The following DEPTOR variants were observed in gnomAD, a reference collection of about 807,000 sequenced individuals.
The protein encoded by DEPTOR is DEP domain containing MTOR interacting protein.
Under a neutral mutation model 41.6 loss-of-function variants are expected in DEPTOR, and 41 were observed. The ratio of observed to expected loss-of-function variants is 0.98; its 90% CI spans 0.77 to 1.28. DEPTOR has a LOEUF of 1.28. DEPTOR is among the 50% of genes most tolerant of loss of function. DEPTOR has a pLI of 0.00. For missense variants in DEPTOR, 514 were observed against 527.9 expected (o/e 0.97, Z 0.26); for synonymous variants, 195 against 192.3 (o/e 1.01, Z -0.12).
chr8:119,890,279 T>TTTGTTTG (rs1554671050), intron 1 of DEPTOR, among the ~76,000 whole-genome samples: 14,857 of 150,194 alleles, frequency 0.099, 1,098 homozygotes, highest in African/African-American at 0.2. Flanking sequence ...ATATGAGTTT[T>TTTGTTTG]TTTGTTTGTT....
At chr8:119,881,060 G>A (rs1427985830) in intron 1 of DEPTOR, among the ~76,000 whole-genome samples, 2 of 152,332 alleles carry the variant, frequency 1.3e-5, no homozygotes, top group South Asian at 2.1e-4. Flanking sequence ...TAAGTTGGAG[G>A]AAATGCAGTT....
At chr8:120,008,140 A>C (rs1357747330) in intron 7 of DEPTOR, among the ~76,000 whole-genome samples, 2 of 152,194 alleles carry the variant, frequency 1.3e-5, no homozygotes. Context: ...CTTTTGGATT[A>C]GAGTCTACTT....
intron 1 of DEPTOR, among the ~76,000 whole-genome samples, chr8:119,921,536 C>T (rs1214074288): frequency 2.0e-5 from 3 of 152,044 alleles, no homozygotes; most frequent in South Asian, 4.2e-4. Flanking sequence ...GAGTTCTAGG[C>T]TATATCCTGG....
chr8:119,943,966 T>G (rs911990586), intron 3 of DEPTOR, among the ~76,000 whole-genome samples: 11 of 152,020 alleles, frequency 7.2e-5, no homozygotes, highest in Admixed American at 7.2e-4. Flanking sequence ...GCCTCCCGAG[T>G]AGCTGGGACT....
intron 1 of DEPTOR, among the ~76,000 whole-genome samples, chr8:119,881,703 G>T (rs1010656508): frequency 7.9e-5 from 12 of 152,130 alleles, no homozygotes; most frequent in African/African-American, 2.9e-4. Flanking sequence ...ATCTTAGGGG[G>T]TGTCCCTTAG....
intron 5 of DEPTOR, among the ~76,000 whole-genome samples, 186 bp from the exon 6 acceptor site, chr8:120,002,791 A>AAAAAAAAAATATAT: frequency 2.8e-4 from 17 of 60,666 alleles, no homozygotes; most frequent in Non-Finnish European, 3.2e-4. Flanking sequence ...AAAAAAAAAA[A>AAAAAAAAAATATAT]ATATATATAT....
At chr8:119,955,513 C>G (rs1308348954) in intron 3 of DEPTOR, among the ~76,000 whole-genome samples, 2 of 151,552 alleles carry the variant, frequency 1.3e-5, no homozygotes, top group East Asian at 3.9e-4. Flanking sequence ...ATTGCCCAGG[C>G]TGGAGTGCAA....
At chr8:120,048,273 G>A (rs1813182996) in intron 8 of DEPTOR, among the ~76,000 whole-genome samples, 1 of 152,184 alleles carries the variant, frequency 6.6e-6, no homozygotes, top group East Asian at 1.9e-4. Flanking sequence ...TTGGGAAGGA[G>A]GTGAAATTCT....
intron 3 of DEPTOR, among the ~76,000 whole-genome samples, chr8:119,954,632 AT>A (rs1016556686): frequency 6.6e-6 from 1 of 151,634 alleles, no homozygotes; most frequent in Non-Finnish European, 1.5e-5. Flanking sequence ...GCTCTTTTGA[AT>A]TTTTTTTCCC....
chr8:120,049,696 G>C lies in DEPTOR; in HGVS notation c.1222G>C (p.Glu408Gln). The C allele has an allele frequency of 6.2e-7, 1 of 1,613,924 alleles. No individual in the cohort carries two copies. Among genetic ancestry groups the C allele is most frequent in the Admixed American group, 1.7e-5 (1 of 60,008 alleles). The change falls in exon 9 of 9, where the codon GAG (glutamate) becomes CAG (glutamine). Residue 408 changes from glutamate to glutamine, a missense_variant. Coordinates refer to ENST00000286234, the MANE Select transcript of DEPTOR (RefSeq NM_022783.4). Reference sequence around the variant, plus strand: ...TGTCATGGAAGTCATGGAGGAGTTAGAGTGCTGAGCTCCTGGGCCTCCCAG... The same window carrying C: ...TGTCATGGAAGTCATGGAGGAGTTACAGTGCTGAGCTCCTGGGCCTCCCAG... ...TIVMEVMEEL[E>Q]C
At chr8:119,933,874 T>C (rs1828076470) in intron 3 of DEPTOR, among the ~76,000 whole-genome samples, 1 of 152,142 alleles carries the variant, frequency 6.6e-6, no homozygotes, top group Non-Finnish European at 1.5e-5. Context: ...GAACCCTGGC[T>C]TTCTTTTTTA....
At chr8:119,975,783 G>A (rs1254921674) in intron 4 of DEPTOR, among the ~76,000 whole-genome samples, 3 of 151,944 alleles carry the variant, frequency 2.0e-5, no homozygotes, top group African/African-American at 7.3e-5. Flanking sequence ...GTCCAGGGGA[G>A]CGTCTAACAG....
chr8:119,974,711 G>A (rs1026310500), intron 4 of DEPTOR, among the ~76,000 whole-genome samples: 4 of 152,040 alleles, frequency 2.6e-5, no homozygotes, highest in African/African-American at 9.7e-5. Context: ...GGCAGAGGTT[G>A]CAGTGAGCTG....
intron 8 of DEPTOR, among the ~76,000 whole-genome samples, chr8:120,026,807 T>C (rs1383793389): frequency 6.6e-6 from 1 of 152,228 alleles, no homozygotes; most frequent in African/African-American, 2.4e-5. Flanking sequence ...CGGGCACTCA[T>C]AATATAAATT....
chr8:119,996,249 A>G (rs1461273910), intron 4 of DEPTOR, among the ~76,000 whole-genome samples: 2 of 152,296 alleles, frequency 1.3e-5, no homozygotes, highest in Non-Finnish European at 2.9e-5. Context: ...AAAATTAAAT[A>G]TTATATCCCA....
At chr8:119,876,170 G>A (rs759059530) in intron 1 of DEPTOR, among the ~76,000 whole-genome samples, 7 of 152,174 alleles carry the variant, frequency 4.6e-5, no homozygotes, top group Non-Finnish European at 1.0e-4. Flanking sequence ...CAGAGCACTT[G>A]TTATTCCCCA....
intron 3 of DEPTOR, among the ~76,000 whole-genome samples, chr8:119,931,938 CT>C (rs925932272): frequency 1.1e-3 from 159 of 145,852 alleles, no homozygotes; most frequent in African/African-American, 3.7e-3. Context: ...AACGCTTTTC[CT>C]TTTTTTTTAA....
chr8:119,893,166 A>G (rs1190628313), intron 1 of DEPTOR, among the ~76,000 whole-genome samples: 2 of 152,226 alleles, frequency 1.3e-5, no homozygotes, highest in African/African-American at 2.4e-5. Context: ...CACTATCCCA[A>G]TGCACCAGGA....
intron 3 of DEPTOR, among the ~76,000 whole-genome samples, chr8:119,964,731 AT>A (rs896559112): frequency 1.3e-4 from 20 of 149,674 alleles, no homozygotes; most frequent in East Asian, 3.9e-4. Context: ...TGCATTTCCA[AT>A]TTTTTTTTTG....
Sources: gnomAD v4.1 joint callset for allele counts (sites outside exome capture counted in the v4.1 genomes callset) on GRCh38, gnomAD v4.1.1 for gene constraint, MANE v1.5 for transcripts, NCBI Gene and HGNC (gene_info 2026-07-23, HGNC 2026-07-21) for gene names.